The following TAF1 variants were observed in gnomAD, a reference collection of about 807,000 sequenced individuals.
TAF1 encodes the protein transcription initiation factor TFIID subunit 1.
TAF1 carries 2 observed loss-of-function variants against 138.5 expected under a neutral mutation model. That is an observed-to-expected ratio of 0.01 (90% CI 0.01 to 0.05). TAF1 has a LOEUF of 0.05. Ranked by LOEUF, TAF1 falls within the 10% of genes least tolerant of loss-of-function variation. The probability of loss-of-function intolerance (pLI) is 1.00; values close to 1 mark genes in which losing one functional copy is unlikely to be tolerated. For synonymous variants in TAF1, 437 were observed against 503.2 expected, an observed-to-expected ratio of 0.87 and a Z score of 1.76; for missense variants, 709 against 1,478.0, an observed-to-expected ratio of 0.48 and a Z score of 8.53.
intron 24 of TAF1, 48 bp downstream of exon 24, chrX:71,398,785 G>T (rs764975410): frequency 8.8e-7 from 1 of 1,134,017 alleles, no homozygotes; most frequent in Non-Finnish European, 1.2e-6. Flanking sequence ...AAGGAAGAAT[G>T]TATACCTTTT....
chrX:71,412,218 G>A (rs181948432), intron 28 of TAF1, among the ~76,000 whole-genome samples: 46 of 106,239 alleles, frequency 4.3e-4, no homozygotes, highest in African/African-American at 1.6e-3. Flanking sequence ...TCACCCTCTC[G>A]GGCTCAAGGA....
chrX:71,430,295 G>A (rs2036813822), intron 32 of TAF1, among the ~76,000 whole-genome samples: 1 of 108,494 alleles, frequency 9.2e-6, no homozygotes, highest in Admixed American at 9.8e-5. Flanking sequence ...GCAGGACAAT[G>A]GCGGGAGGAA....
chrX:71,479,256 G>T (rs1018789029), intron 13 of TAF1, among the ~76,000 whole-genome samples: 3 of 111,872 alleles, frequency 2.7e-5, no homozygotes, highest in Non-Finnish European at 5.6e-5. Context: ...TCAAAAACAC[G>T]GGTGAGAAAG....
intron 13 of TAF1, among the ~76,000 whole-genome samples, chrX:71,501,340 C>T (rs2039503020): frequency 9.0e-6 from 1 of 110,896 alleles, no homozygotes; most frequent in Non-Finnish European, 1.9e-5. Flanking sequence ...GATTGCTGAG[C>T]CCGGGTGCCT....
intron 24 of TAF1, among the ~76,000 whole-genome samples, chrX:71,399,297 C>A (rs1224945973): frequency 1.1e-5 from 1 of 92,570 alleles, no homozygotes; most frequent in African/African-American, 4.2e-5. Context: ...CACTCTGTTG[C>A]CCAGGCTGGA....
chrX:71,420,764 G>C (rs1361041938), intron 28 of TAF1, among the ~76,000 whole-genome samples: 2 of 112,898 alleles, frequency 1.8e-5, no homozygotes, highest in Admixed American at 9.3e-5. Flanking sequence ...GGGGTGGGGG[G>C]CGCAAGGCCA....
At chrX:71,446,599 T>C (rs777335917) in intron 32 of TAF1, among the ~76,000 whole-genome samples, 10 of 112,522 alleles carry the variant, frequency 8.9e-5, no homozygotes, top group African/African-American at 2.9e-4. Flanking sequence ...TTGAAGTGTT[T>C]ATTTTTCTAG....
rs2035382396 is a variant in TAF1, at chrX:71,404,973, T to C, written c.3999-1665T>C. Among the ~76,000 whole-genome samples the C allele has an allele frequency of 3.0e-5, 3 of 100,638 alleles. No homozygotes were observed. The South Asian group carries it at 1.4e-3, about 48-fold the overall frequency. 87.4% of individuals were successfully genotyped at this position (100,638 alleles called of 115,157 possible). On this transcript the variant is annotated intron_variant, in intron 25 of 37. Transcript: ENST00000423759. The stretch of plus-strand genomic sequence containing the variant: ...AAACTTTTTTTTTTTTTTTTTTTTT[T>C]TGAGACAGAGTCTCGCTCTGTCACC...
At chrX:71,413,121 C>T (rs2035882993) in intron 28 of TAF1, among the ~76,000 whole-genome samples, 1 of 111,557 alleles carries the variant, frequency 9.0e-6, no homozygotes, top group Non-Finnish European at 1.9e-5. Context: ...CAAAATATTT[C>T]AGATTCTTAA....
intron 32 of TAF1, among the ~76,000 whole-genome samples, chrX:71,436,437 T>C (rs1042601632): frequency 9.2e-5 from 10 of 108,956 alleles, no homozygotes; most frequent in Admixed American, 6.9e-4. Flanking sequence ...GGATGGTCTC[T>C]ATCTCCTGAC....
chrX:71,481,042 G>C (rs2039060967), intron 13 of TAF1, among the ~76,000 whole-genome samples: 1 of 112,467 alleles, frequency 8.9e-6, no homozygotes, highest in African/African-American at 3.2e-5. Flanking sequence ...ATTTTGGGAG[G>C]CCGAGGCGGG....
chrX:71,373,153 TCTGTGC>T (rs1048620270), intron 3 of TAF1, among the ~76,000 whole-genome samples: 4 of 95,958 alleles, frequency 4.2e-5, no homozygotes, highest in Non-Finnish European at 8.3e-5. Flanking sequence ...GGCGTGAGCC[TCTGTGC>T]CTGGCCACTT....
intron 23 of TAF1, among the ~76,000 whole-genome samples, chrX:71,397,848 G>T (rs919816666): frequency 1.3e-4 from 14 of 111,081 alleles, no homozygotes; most frequent in Middle Eastern, 9.3e-3. Flanking sequence ...GATTGGGGTG[G>T]GTGCTTGAAT....
intron 12 of TAF1, among the ~76,000 whole-genome samples, chrX:71,383,740 TTCTA>T (rs763229168): frequency 6.5e-4 from 73 of 112,500 alleles, no homozygotes; most frequent in African/African-American, 2.4e-3. Context: ...TCTGAATATT[TTCTA>T]TCTATGGTTG....
At chrX:71,379,088 A>T in intron 8 of TAF1, 57 bp downstream of exon 8, 1 of 989,997 alleles carries the variant, frequency 1.0e-6, no homozygotes, top group Non-Finnish European at 1.4e-6. Context: ...TAGTCACCAT[A>T]AGTGGGCTCA....
chrX:71,513,608 A>G (rs942367960), intron 13 of TAF1, among the ~76,000 whole-genome samples: 2 of 111,643 alleles, frequency 1.8e-5, no homozygotes, highest in Admixed American at 9.5e-5. Flanking sequence ...GAGGCCAGGC[A>G]TGGTGGCTCA....
chrX:71,508,252 C>A (rs2039667379), intron 13 of TAF1, among the ~76,000 whole-genome samples: 1 of 108,634 alleles, frequency 9.2e-6, no homozygotes, highest in African/African-American at 3.4e-5. Flanking sequence ...TAAGGAGGAG[C>A]AGCACCCATC....
At position 71,367,587 on chromosome X, in the gene TAF1, C is replaced by T. The variant is rs752409985; in HGVS notation, c.209C>T (p.Thr70Ile). 14 of 1,211,638 alleles carry T rather than the reference C, an allele frequency of 1.2e-5. No homozygotes were observed. The highest frequency in any genetic ancestry group is 1.6e-5 in the Non-Finnish European group (14 of 895,524). Residue 70 changes from threonine to isoleucine, a missense_variant, in exon 2 of 38, where the codon ACT becomes ATT. Physicochemically the swap from Thr to Ile is moderately conservative, Grantham distance 89. Transcript: ENST00000423759. ...ACGGCAAATGAAGAATTGACCGGGACTGACGGTGCCTTGGTAAATGATGAA... is the reference window on the plus strand; with the variant it reads ...ACGGCAAATGAAGAATTGACCGGGATTGACGGTGCCTTGGTAAATGATGAA... Reference protein sequence around the residue: ...ELTANEELTGTDGALVNDEGW... With the variant: ...ELTANEELTGIDGALVNDEGW...
rs1002385465 is a variant in TAF1, at chrX:71,506,294, G to C, written c.1367-22248G>C. 3.7e-5 allele frequency among the ~76,000 whole-genome samples: 4 copies of C among 108,091 alleles called. No homozygotes were observed. In the Admixed American group the frequency reaches 4.0e-4, roughly 11 times the overall value. The allele number at this position is 108,091 out of a possible 115,157, so 93.9% of individuals were successfully genotyped here. A position where few individuals can be genotyped will look rare whatever the true frequency, so the allele number is the denominator to read the frequency against. On this transcript the variant is annotated intron_variant and NMD_transcript_variant, in intron 13 of 14. Coordinates refer to the TAF1 transcript ENST00000373775. The stretch of plus-strand genomic sequence containing the variant: ...TAGTCCCAGCTACTTGAGAAGCTGA[G>C]GTGAGAGGGTTGCTTGAGCCCAGGA...
Sources: gnomAD v4.1 joint callset for allele counts (sites outside exome capture counted in the v4.1 genomes callset) on GRCh38, gnomAD v4.1.1 for gene constraint, MANE v1.5 for transcripts, NCBI Gene and HGNC (gene_info 2026-07-23, HGNC 2026-07-21) for gene names.